The following LCP2 variants were observed in gnomAD, a reference collection of about 807,000 sequenced individuals.
LCP2 encodes the protein 76 kDa tyrosine phosphoprotein.
In LCP2, 29 loss-of-function variants were observed where a neutral mutation model predicts 74.5. The observed-to-expected ratio is 0.39, with a 90% CI of 0.29 to 0.53. The LOEUF is 0.53. Among genes scored for constraint, LCP2 ranks in the 20% least tolerant of loss-of-function variants. The probability of loss-of-function intolerance (pLI) is 0.72; values close to 1 mark genes in which losing one functional copy is unlikely to be tolerated. For missense variants in LCP2, 604 were observed against 634.6 expected (o/e 0.95, Z 0.52); for synonymous variants, 228 against 229.5 (o/e 0.99, Z 0.06).
intron 5 of LCP2, among the ~76,000 whole-genome samples, chr5:170,275,081 C>T (rs529878430): frequency 1.3e-5 from 2 of 152,236 alleles, no homozygotes; most frequent in East Asian, 3.9e-4. Context: ...CCCAGAGCTC[C>T]TCAGTGTGTC....
intron 10 of LCP2, among the ~76,000 whole-genome samples, chr5:170,266,442 C>A (rs751291284): frequency 2.6e-5 from 4 of 152,204 alleles, no homozygotes; most frequent in Non-Finnish European, 5.9e-5. Context: ...ACCCTTTTGT[C>A]TCAATTCAGG....
chr5:170,258,648 A>C (rs1761602374), intron 15 of LCP2: 1 of 483,938 alleles, frequency 2.1e-6, no homozygotes, highest in African/African-American at 1.9e-5. Context: ...AATAATCTGC[A>C]CTGTTACACA....
At chr5:170,250,287 G>A (rs1761405984) in intron 20 of LCP2, among the ~76,000 whole-genome samples, 1 of 152,182 alleles carries the variant, frequency 6.6e-6, no homozygotes, top group Non-Finnish European at 1.5e-5. Context: ...CATCCTCACA[G>A]AGCCAAACCT....
intron 2 of LCP2, 117 bp from the exon 3 acceptor site, chr5:170,288,133 G>T (rs1561977787): frequency 3.8e-6 from 4 of 1,064,430 alleles, no homozygotes; most frequent in Non-Finnish European, 5.6e-6. Context: ...GGCAAACAGA[G>T]GAGAAACCGC....
At chr5:170,255,870 G>A (rs995406315) in intron 17 of LCP2, among the ~76,000 whole-genome samples, 10 of 152,266 alleles carry the variant, frequency 6.6e-5, no homozygotes, top group South Asian at 4.1e-4. Context: ...CACTCTAAGC[G>A]AATACTAATC....
In LCP2 at chr5:170,293,242, G is replaced by A. The variant is rs1204476585; in HGVS notation, c.141+68C>T. The A allele has an allele frequency of 1.7e-5, 25 of 1,470,760 alleles. No homozygotes were observed. In the East Asian group the frequency reaches 5.7e-4, roughly 34 times the overall value. The allele number at this position is 1,470,760 out of a possible 1,614,324, so 91.1% of individuals were successfully genotyped here. On this transcript the variant is annotated intron_variant, in intron 2 of 20. Transcript: ENST00000046794. Reference sequence around the variant, plus strand: ...CCCCAGGGAAAGGGTAGGCCAGTTGGCCCTGCAGCCATGGGGAAAAGTGCC... The same window carrying A: ...CCCCAGGGAAAGGGTAGGCCAGTTGACCCTGCAGCCATGGGGAAAAGTGCC...
Position 170,253,134 on chromosome 5 carries a change from G to C in LCP2, c.1230C>G (p.Ser410=), listed in dbSNP as rs1160940488. 2 of 1,609,672 alleles carry C rather than the reference G, an allele frequency of 1.2e-6. No homozygotes were observed. The highest frequency in any genetic ancestry group is 1.7e-6 in the Non-Finnish European group (2 of 1,177,442). ...GCTCTCTTACCTCTTCCTCCGCGGG[G>C]GATGGGGGCCGAGGTTTGTTTGGAA... ...LPLPNKPRPP[S]PAEEENSLNE... is the part of the protein sequence containing the mutation. Residue 410 remains serine (S), a synonymous_variant, in exon 18 of 21, where the codon TCC becomes TCG. Transcript: ENST00000046794.
At chr5:170,276,079 CCT>C (rs1320415137) in intron 3 of LCP2, among the ~76,000 whole-genome samples, 2 of 152,180 alleles carry the variant, frequency 1.3e-5, no homozygotes, top group Non-Finnish European at 2.9e-5. Flanking sequence ...CCCAGGAAGC[CCT>C]CTCTCCTCCT....
chr5:170,280,093 G>A (rs1057041372), intron 3 of LCP2, among the ~76,000 whole-genome samples: 3 of 152,098 alleles, frequency 2.0e-5, no homozygotes, highest in African/African-American at 4.8e-5. Flanking sequence ...ACTGTGGCAC[G>A]TGTAGCTGTG....
Position 170,266,998 on chromosome 5 carries a change from CT to C in LCP2, c.688+10del. Reference sequence around the variant, plus strand: ...GGGAACAGGGCAAGAGAGAGCAGCCCTTGTACTCACGCTTTGCCGTTTTGTG... The same window carrying C: ...GGGAACAGGGCAAGAGAGAGCAGCCCTGTACTCACGCTTTGCCGTTTTGTG... On this transcript the variant is annotated intron_variant, in intron 9 of 20. Transcript: ENST00000046794. The C allele has an allele frequency of 6.2e-7, 1 of 1,613,916 alleles. No individual in the cohort carries two copies.
chr5:170,282,150 T>C (rs1762115892), intron 3 of LCP2, among the ~76,000 whole-genome samples: 1 of 152,180 alleles, frequency 6.6e-6, no homozygotes, highest in African/African-American at 2.4e-5. Context: ...GAGAGAGCCT[T>C]CCTTACCACA....
At chr5:170,264,742 C>T (rs578099899) in intron 10 of LCP2, among the ~76,000 whole-genome samples, 2 of 151,942 alleles carry the variant, frequency 1.3e-5, no homozygotes, top group African/African-American at 2.4e-5. Flanking sequence ...GAGGCCGTAA[C>T]GAGCTATGAT....
At chr5:170,286,147 T>C (rs2113206776) in intron 3 of LCP2, among the ~76,000 whole-genome samples, 1 of 152,334 alleles carries the variant, frequency 6.6e-6, no homozygotes, top group Non-Finnish European at 1.5e-5. Context: ...TCCCATGATA[T>C]AATATAAATG....
At chr5:170,277,953 C>T (rs1333253974) in intron 3 of LCP2, among the ~76,000 whole-genome samples, 3 of 151,872 alleles carry the variant, frequency 2.0e-5, no homozygotes, top group Admixed American at 6.6e-5. Flanking sequence ...AGAGCAGCAG[C>T]GGGGGCTTCC....
chr5:170,249,574 G>A (rs907501019), intron 20 of LCP2, among the ~76,000 whole-genome samples: 1 of 152,006 alleles, frequency 6.6e-6, no homozygotes, highest in Non-Finnish European at 1.5e-5. Flanking sequence ...GGACTCAGGA[G>A]GTCAGACACG....
chr5:170,284,720 G>C (rs965312859), intron 3 of LCP2, among the ~76,000 whole-genome samples: 7 of 149,290 alleles, frequency 4.7e-5, no homozygotes, highest in Non-Finnish European at 7.4e-5. Flanking sequence ...ATATATATTT[G>C]GTTCTTTGAA....
At chr5:170,280,293 T>C (rs527664730) in intron 3 of LCP2, among the ~76,000 whole-genome samples, 15 of 151,942 alleles carry the variant, frequency 9.9e-5, no homozygotes, top group Non-Finnish European at 1.9e-4. Flanking sequence ...CCCTGTGCTG[T>C]TCTCTCAGTG....
In LCP2 at chr5:170,250,701, G is replaced by A. The variant is rs774658217; in HGVS notation, c.1479+29C>T. 2.5e-6 allele frequency: 4 copies of A among 1,595,186 alleles called. No individual in the cohort carries two copies. The South Asian group carries it at 4.4e-5, about 18-fold the overall frequency. On this transcript the variant is annotated intron_variant, in intron 20 of 20. Coordinates refer to ENST00000046794, the MANE Select transcript of LCP2 (RefSeq NM_005565.5). Reference sequence around the variant, plus strand: ...GCAGAGTGGCATAAATAAAGACTTTGGGAAAATGTCGAAATTTGAAATCCT... The same window carrying A: ...GCAGAGTGGCATAAATAAAGACTTTAGGAAAATGTCGAAATTTGAAATCCT...
intron 6 of LCP2, among the ~76,000 whole-genome samples, chr5:170,271,848 T>G (rs1394980238): frequency 6.6e-6 from 1 of 152,314 alleles, no homozygotes; most frequent in African/African-American, 2.4e-5. Flanking sequence ...AATGTTCCAG[T>G]GTCCTAGAAA....
Sources: gnomAD v4.1 joint callset for allele counts (sites outside exome capture counted in the v4.1 genomes callset) on GRCh38, gnomAD v4.1.1 for gene constraint, MANE v1.5 for transcripts, NCBI Gene and HGNC (gene_info 2026-07-23, HGNC 2026-07-21) for gene names.